ZBTB20: variants seen among roughly 807,000 people sequenced by gnomAD.
ZBTB20 encodes the protein zinc finger and BTB domain containing 20.
ZBTB20 carries 9 observed loss-of-function variants against 56.9 expected under a neutral mutation model. The ratio of observed to expected loss-of-function variants is 0.16; its 90% CI spans 0.10 to 0.28. The LOEUF (loss-of-function observed/expected upper bound fraction) is 0.28, where lower values mean the gene tolerates loss of function less well. Ranked by LOEUF, ZBTB20 falls within the 10% of genes least tolerant of loss-of-function variation. The pLI is 1.00. For synonymous variants in ZBTB20, 417 were observed against 420.7 expected, an observed-to-expected ratio of 0.99 and a Z score of 0.11; for missense variants, 655 against 1,003.0, an observed-to-expected ratio of 0.65 and a Z score of 4.69.
At chr3:114,698,670 G>A (rs1305661973) in intron 5 of ZBTB20, among the ~76,000 whole-genome samples, 2 of 152,146 alleles carry the variant, frequency 1.3e-5, no homozygotes, top group Admixed American at 6.6e-5. Context: ...CTCAATGTGT[G>A]TTTGCAAATG....
rs573418253 is a variant in ZBTB20 at position 114,822,049 on chromosome 3, A to T, written c.-416-20875T>A. On this transcript the variant is annotated intron_variant, in intron 4 of 11. Transcript: ENST00000675478. ...GAGAAAGACTTGAAAAAAATCTCAG[A>T]AATATGTAGAAATAAGACTTGATAG... Among the ~76,000 whole-genome samples, 6 of 152,254 alleles carry T rather than the reference A, an allele frequency of 3.9e-5. No homozygotes were observed. In the East Asian group the frequency reaches 1.2e-3, roughly 29 times the overall value.
chr3:114,561,064 A>G (rs1217205909), intron 6 of ZBTB20, among the ~76,000 whole-genome samples: 1 of 152,266 alleles, frequency 6.6e-6, no homozygotes, highest in Non-Finnish European at 1.5e-5. Context: ...TTGCTCACCC[A>G]TAAGAAACTA....
chr3:114,640,568 G>C (rs2059505102), intron 6 of ZBTB20, among the ~76,000 whole-genome samples: 1 of 152,032 alleles, frequency 6.6e-6, no homozygotes, highest in Non-Finnish European at 1.5e-5. Context: ...AGAGTTTCCA[G>C]TTTCAGTTCC....
intron 5 of ZBTB20, among the ~76,000 whole-genome samples, chr3:114,696,977 T>C (rs1197413752): frequency 6.6e-6 from 1 of 151,060 alleles, no homozygotes; most frequent in African/African-American, 2.4e-5. Context: ...ATGAATTCTA[T>C]AGGAAGTCTG....
chr3:114,367,571 A>G (rs1217541266), intron 10 of ZBTB20, among the ~76,000 whole-genome samples: 2 of 152,170 alleles, frequency 1.3e-5, no homozygotes, highest in Non-Finnish European at 2.9e-5. Context: ...AAAATCTCTT[A>G]TTGACTAGAA....
intron 2 of ZBTB20, among the ~76,000 whole-genome samples, chr3:115,033,209 AT>A (rs1241021482): frequency 6.6e-6 from 1 of 151,470 alleles, no homozygotes; most frequent in Non-Finnish European, 1.5e-5. Flanking sequence ...AATAAAAATG[AT>A]TATAAAAGAG....
In ZBTB20 at chr3:114,534,505, T is replaced by C. The variant is rs141349911; in HGVS notation, c.-294-34114A>G. On this transcript the variant is annotated intron_variant, in intron 6 of 11. Transcript: ENST00000675478. Reference sequence around the variant, plus strand: ...TTCATAAAGCGAGTTCTTAGAGACCTACAAAGAGACTTTGACTCCCACACA... The same window carrying C: ...TTCATAAAGCGAGTTCTTAGAGACCCACAAAGAGACTTTGACTCCCACACA... Among the ~76,000 whole-genome samples, 10 of 152,236 alleles carry C rather than the reference T, an allele frequency of 6.6e-5. No homozygotes were observed. The East Asian group carries it at 1.9e-3, about 29-fold the overall frequency.
intron 2 of ZBTB20, among the ~76,000 whole-genome samples, chr3:115,025,637 T>G: frequency 6.6e-6 from 1 of 150,974 alleles, no homozygotes; most frequent in South Asian, 2.1e-4. Context: ...AAGCCTTATT[T>G]AATATAATGT....
chr3:114,667,552 G>A (rs777298498), intron 6 of ZBTB20, among the ~76,000 whole-genome samples: 3 of 151,828 alleles, frequency 2.0e-5, no homozygotes, highest in Non-Finnish European at 2.9e-5. Context: ...ACATCATTTT[G>A]GCTTTTTAAG....
At chr3:114,543,834 C>G (rs2049406070) in intron 6 of ZBTB20, among the ~76,000 whole-genome samples, 1 of 152,166 alleles carries the variant, frequency 6.6e-6, no homozygotes, top group African/African-American at 2.4e-5. Context: ...TAGCTTAACT[C>G]AAGAACTTTT....
chr3:114,488,722 A>C (rs2042408463), intron 7 of ZBTB20, among the ~76,000 whole-genome samples: 1 of 152,236 alleles, frequency 6.6e-6, no homozygotes, highest in African/African-American at 2.4e-5. Context: ...CTAAGGAAAT[A>C]ATCATGTAAG....
At chr3:114,541,114 G>C (rs940086734) in intron 6 of ZBTB20, among the ~76,000 whole-genome samples, 3 of 151,874 alleles carry the variant, frequency 2.0e-5, no homozygotes, top group African/African-American at 7.3e-5. Context: ...TTCTTGTCCA[G>C]GTTAAATGCC....
intron 1 of ZBTB20, among the ~76,000 whole-genome samples, chr3:115,084,070 G>A (rs1353770067): frequency 6.6e-6 from 1 of 151,696 alleles, no homozygotes; most frequent in Non-Finnish European, 1.5e-5. Flanking sequence ...ATAAAGGATA[G>A]TAAAATAATG....
At chr3:114,878,579 A>T (rs1338999237) in intron 4 of ZBTB20, among the ~76,000 whole-genome samples, 3 of 16,588 alleles carry the variant, frequency 1.8e-4, no homozygotes, top group African/African-American at 2.0e-4. Flanking sequence ...GAGAATTAAA[A>T]AAAAAAAAAA....
intron 11 of ZBTB20, among the ~76,000 whole-genome samples, chr3:114,341,466 T>A (rs1291955391): frequency 1.3e-5 from 2 of 152,228 alleles, no homozygotes; most frequent in African/African-American, 4.8e-5. Flanking sequence ...ATGGGAAGCG[T>A]GCCTTAAATT....
intron 6 of ZBTB20, among the ~76,000 whole-genome samples, chr3:114,653,564 AAT>A (rs1365298946): frequency 2.0e-5 from 3 of 151,972 alleles, no homozygotes; most frequent in African/African-American, 7.2e-5. Flanking sequence ...AACCATGAGG[AAT>A]ATTGGCCTAT....
chr3:114,539,863 A>C (rs1172457881), intron 6 of ZBTB20, among the ~76,000 whole-genome samples: 2 of 151,252 alleles, frequency 1.3e-5, no homozygotes, highest in African/African-American at 4.9e-5. Context: ...TGTGCTATAA[A>C]TGTTCATCTT....
intron 5 of ZBTB20, among the ~76,000 whole-genome samples, chr3:114,709,933 C>A (rs961004335): frequency 2.6e-5 from 4 of 152,120 alleles, no homozygotes; most frequent in African/African-American, 7.2e-5. Flanking sequence ...ATCTTGAATG[C>A]CCTGACTGCT....
At chr3:114,700,058 C>A (rs1199520216) in intron 5 of ZBTB20, among the ~76,000 whole-genome samples, 1 of 151,828 alleles carries the variant, frequency 6.6e-6, no homozygotes, top group East Asian at 1.9e-4. Flanking sequence ...CTATCTTATA[C>A]TTTTTTTTAT....
Sources: gnomAD v4.1 joint callset for allele counts (sites outside exome capture counted in the v4.1 genomes callset) on GRCh38, gnomAD v4.1.1 for gene constraint, MANE v1.5 for transcripts, NCBI Gene and HGNC (gene_info 2026-07-23, HGNC 2026-07-21) for gene names.